The following RAB3GAP2 variants were observed in gnomAD, a reference collection of about 807,000 sequenced individuals.
The protein encoded by RAB3GAP2 is RAB3 GTPase activating non-catalytic protein subunit 2, also known as rab3 GTPase-activating protein non-catalytic subunit.
RAB3GAP2 carries 87 observed loss-of-function variants against 185.3 expected under a neutral mutation model. The ratio of observed to expected loss-of-function variants is 0.47; its 90% confidence interval spans 0.39 to 0.56. The LOEUF is 0.56. Among genes scored for constraint, RAB3GAP2 ranks in the 20% least tolerant of loss-of-function variants. The pLI is 0.00. For missense variants in RAB3GAP2, 1,492 were observed against 1,638.2 expected, an observed-to-expected ratio of 0.91 and a Z score of 1.54; for synonymous variants, 554 against 576.1, an observed-to-expected ratio of 0.96 and a Z score of 0.55.
At chr1:220,154,877 C>A (rs376224187) in intron 31 of RAB3GAP2, among the ~76,000 whole-genome samples, 1 of 151,968 alleles carries the variant, frequency 6.6e-6, no homozygotes, top group Non-Finnish European at 1.5e-5. Flanking sequence ...TGTACTACCA[C>A]GCCAAGGCTA....
At chr1:220,168,461 A>C (rs1478191387) in intron 24 of RAB3GAP2, among the ~76,000 whole-genome samples, 1 of 149,762 alleles carries the variant, frequency 6.7e-6, no homozygotes, top group African/African-American at 2.5e-5. Context: ...GCAATGGTGC[A>C]ATCTTGGCTC....
chr1:220,210,577 AAC>A (rs1659062303), intron 6 of RAB3GAP2, 88 bp from the exon 7 acceptor site: 1 of 1,122,956 alleles, frequency 8.9e-7, no homozygotes, highest in East Asian at 2.3e-5. Context: ...CCATTTCCCC[AAC>A]AGTTTTCCAG....
chr1:220,167,679 T>C lies in RAB3GAP2; in HGVS notation c.2807-4A>G, dbSNP rs752285539. On this transcript the variant is annotated splice_region_variant and splice_polypyrimidine_tract_variant and intron_variant, in intron 24 of 34. Transcript: ENST00000358951. The stretch of plus-strand genomic sequence containing the variant: ...GCTACACTGTCTGCAATGCCACCTA[T>C]AGTTTGGAGACAAGAAAGAAAATAA... 2.5e-6 allele frequency: 4 copies of C among 1,613,258 alleles called. No individual in the cohort carries two copies. Among genetic ancestry groups the C allele is most frequent in the Admixed American group, 1.7e-5 (1 of 60,018 alleles).
intron 17 of RAB3GAP2, among the ~76,000 whole-genome samples, chr1:220,187,350 TTGACCCCCCATTTC>T (rs1658525213): frequency 6.6e-6 from 1 of 151,502 alleles, no homozygotes; most frequent in South Asian, 2.1e-4. Context: ...CATTTGGTCT[TTGACCCCCCATTTC>T]TGATGGGGAG....
At chr1:220,193,864 C>A (rs1224844586) in intron 12 of RAB3GAP2, among the ~76,000 whole-genome samples, 1 of 152,076 alleles carries the variant, frequency 6.6e-6, no homozygotes, top group African/African-American at 2.4e-5. Context: ...TAATCAACCT[C>A]ATTAGAATTG....
At chr1:220,200,685 C>T (rs1317898324) in intron 9 of RAB3GAP2, 1 of 504,812 alleles carries the variant, frequency 2.0e-6, no homozygotes, top group Non-Finnish European at 4.0e-6. Context: ...AATTTTGCAG[C>T]ATTTTTATGC....
At chr1:220,157,661 T>TA (rs1227299232) in intron 30 of RAB3GAP2, 141 bp downstream of exon 30, 25 of 1,027,416 alleles carry the variant, frequency 2.4e-5, no homozygotes, top group Non-Finnish European at 4.4e-6. Context: ...AAAACATCAC[T>TA]ACCTTCTGGG....
At chr1:220,260,000 A>G (rs1410181961) in intron 1 of RAB3GAP2, among the ~76,000 whole-genome samples, 2 of 152,226 alleles carry the variant, frequency 1.3e-5, no homozygotes, top group African/African-American at 4.8e-5. Flanking sequence ...GCTCAATATC[A>G]CTAATCATTA....
At chr1:220,266,740 A>G in intron 1 of RAB3GAP2, 1 of 1,587,084 alleles carries the variant, frequency 6.3e-7, no homozygotes. Context: ...TGTTTTGGCA[A>G]TTTGATGGTT....
chr1:220,151,131 T>C lies in RAB3GAP2; in HGVS notation c.*120A>G. ...AAAGTTGTATATACTTTTATTTATT[T>C]TACAAAAGGAAAAAAAAAGACATAC... On this transcript the variant is annotated 3_prime_UTR_variant, in exon 35 of 35. Transcript: ENST00000358951. The C allele has an allele frequency of 4.6e-6, 5 of 1,090,552 alleles. No individual in the cohort carries two copies. In the South Asian group the frequency reaches 6.0e-5, roughly 13 times the overall value. The allele number at this position is 1,090,552 out of a possible 1,614,324, so 67.6% of individuals were successfully genotyped here.
rs1030575938 is a variant in RAB3GAP2, at chr1:220,267,413, G to T, written c.115+4810C>A. ...TGATGCTCCACTCCTGCTTTCTCCA[G>T]CTGAGCTTTAAATAACACCCTAAGA... On this transcript the variant is annotated intron_variant, in intron 1 of 34. Transcript: ENST00000358951. The T allele has an allele frequency of 3.4e-5, 45 of 1,321,878 alleles. 1 individual carries two copies. The highest frequency in any genetic ancestry group is 5.5e-6 in the Non-Finnish European group (5 of 915,640). 81.9% of individuals were successfully genotyped at this position (1,321,878 alleles called of 1,614,324 possible). A position where few individuals can be genotyped will look rare whatever the true frequency, so the allele number is the denominator to read the frequency against.
chr1:220,258,004 A>G (rs1371669472), intron 1 of RAB3GAP2, among the ~76,000 whole-genome samples: 2 of 152,276 alleles, frequency 1.3e-5, no homozygotes, highest in East Asian at 3.9e-4. Flanking sequence ...AAAAATGGAT[A>G]AATTCCTAGA....
chr1:220,231,273 G>A (rs1659496461), intron 2 of RAB3GAP2, among the ~76,000 whole-genome samples: 1 of 152,150 alleles, frequency 6.6e-6, no homozygotes, highest in Non-Finnish European at 1.5e-5. Context: ...GACTTTGCAT[G>A]AGCTGCTGCC....
At chr1:220,190,220 T>A (rs1016907829) in intron 15 of RAB3GAP2, 74 bp from the exon 16 acceptor site, 27 of 1,516,032 alleles carry the variant, frequency 1.8e-5, no homozygotes, top group Non-Finnish European at 2.5e-5. Context: ...CACTCCAACT[T>A]TTTTTTCCTT....
At chr1:220,247,527 C>T (rs1334223501) in intron 1 of RAB3GAP2, among the ~76,000 whole-genome samples, 1 of 152,134 alleles carries the variant, frequency 6.6e-6, no homozygotes, top group Non-Finnish European at 1.5e-5. Flanking sequence ...ACCGTATGTC[C>T]TCCCTTGTAA....
intron 6 of RAB3GAP2, 71 bp downstream of exon 6, chr1:220,210,730 A>T (rs1485742230): frequency 7.7e-6 from 11 of 1,429,432 alleles, no homozygotes; most frequent in Non-Finnish European, 1.1e-5. Flanking sequence ...AGTCACAAAC[A>T]GTATAAAGGT....
chr1:220,164,036 T>C (rs1196288100), intron 27 of RAB3GAP2, among the ~76,000 whole-genome samples: 1 of 152,048 alleles, frequency 6.6e-6, no homozygotes, highest in Non-Finnish European at 1.5e-5. Flanking sequence ...ATGAAACCCA[T>C]CTATCTATTA....
rs542645661 is a variant in RAB3GAP2, at chr1:220,229,722, A to G, written c.180+3077T>C. On this transcript the variant is annotated intron_variant, in intron 2 of 34. Coordinates refer to ENST00000358951, the MANE Select transcript of RAB3GAP2 (RefSeq NM_012414.4). Reference sequence around the variant, plus strand: ...ATTAAGATGTGGCCATCTGGGTCTGAAATATTATACTATAGCTCAGCACCA... The same window carrying G: ...ATTAAGATGTGGCCATCTGGGTCTGGAATATTATACTATAGCTCAGCACCA... 1.1e-4 allele frequency among the ~76,000 whole-genome samples: 17 copies of G among 152,350 alleles called. No homozygotes were observed. The South Asian group carries it at 3.5e-3, about 32-fold the overall frequency.
At position 220,205,934 on chromosome 1, in the gene RAB3GAP2, G is replaced by A. The variant is rs144569017; in HGVS notation, c.685C>T (p.Arg229Cys). ...TTTGCTACCTGATTTCGACAAGCACGAAGAGATTGAAAAAGGCTAAATCCA... is the reference window on the plus strand; with the variant it reads ...TTTGCTACCTGATTTCGACAAGCACAAAGAGATTGAAAAAGGCTAAATCCA... ...IDGFSLFQSLRACRNQVAKAA... is the reference protein window; with the variant it reads ...IDGFSLFQSLCACRNQVAKAA... The change falls in exon 8 of 35, where the codon CGT becomes TGT. Residue 229 changes from arginine to cysteine, a missense_variant. Arg to Cys is a radical substitution (Grantham distance 180, BLOSUM62 -3). Around this residue, in one of 5 missense-constraint regions of RAB3GAP2, gnomAD observed 243 missense variants for 314.8 expected, o/e 0.77. Transcript: ENST00000358951. 10 of 1,608,860 alleles carry A rather than the reference G, an allele frequency of 6.2e-6. No homozygotes were observed. The highest frequency in any genetic ancestry group is 3.3e-5 in the Admixed American group (2 of 59,956).
Sources: gnomAD v4.1 joint callset for allele counts (sites outside exome capture counted in the v4.1 genomes callset) on GRCh38, gnomAD v4.1.1 for gene constraint, gnomAD v4.1.1 regional missense constraint, MANE v1.5 for transcripts, NCBI Gene and HGNC (gene_info 2026-07-23, HGNC 2026-07-21) for gene names.